SPATS2: variants seen among roughly 807,000 people sequenced by gnomAD.
The protein encoded by SPATS2 is spermatogenesis-associated serine-rich protein 2.
Under a neutral mutation model 63.7 loss-of-function variants are expected in SPATS2, and 38 were observed. That is an observed-to-expected ratio of 0.60 (90% CI 0.46 to 0.78). The LOEUF is 0.78. Ranked by LOEUF, SPATS2 falls within the 30% of genes least tolerant of loss-of-function variation. The pLI is 0.00. For missense variants in SPATS2, 588 were observed against 666.2 expected, an observed-to-expected ratio of 0.88 and a Z score of 1.29; for synonymous variants, 207 against 232.9, an observed-to-expected ratio of 0.89 and a Z score of 1.01.
chr12:49,383,671 C>G (rs77659537), intron 2 of SPATS2, among the ~76,000 whole-genome samples: 1 of 152,100 alleles, frequency 6.6e-6, no homozygotes, highest in South Asian at 2.1e-4. Context: ...TAAAGTGTTG[C>G]GCTTATAGAC....
intron 8 of SPATS2, among the ~76,000 whole-genome samples, chr12:49,498,055 G>A (rs1172022318): frequency 6.7e-6 from 1 of 148,908 alleles, no homozygotes; most frequent in African/African-American, 2.5e-5. Context: ...TTTTAATTAG[G>A]TAAGCTCCCC....
chr12:49,515,867 C>A (rs549080751), intron 10 of SPATS2, among the ~76,000 whole-genome samples: 1 of 151,800 alleles, frequency 6.6e-6, no homozygotes, highest in Non-Finnish European at 1.5e-5. Flanking sequence ...TAAGGCTGGG[C>A]GCAGTGGCTC....
intron 3 of SPATS2, among the ~76,000 whole-genome samples, chr12:49,482,030 T>C (rs1055386977): frequency 3.3e-5 from 5 of 152,238 alleles, no homozygotes; most frequent in African/African-American, 1.2e-4. Context: ...AATTACTTTC[T>C]GTATAATACT....
At chr12:49,378,844 C>T (rs1039978394) in intron 2 of SPATS2, among the ~76,000 whole-genome samples, 1 of 152,128 alleles carries the variant, frequency 6.6e-6, no homozygotes, top group Non-Finnish European at 1.5e-5. Context: ...ATCCTCTGGC[C>T]TCAGCCTCCC....
chr12:49,404,431 T>A (rs1404221252), intron 2 of SPATS2, among the ~76,000 whole-genome samples: 1 of 151,890 alleles, frequency 6.6e-6, no homozygotes, highest in Admixed American at 6.6e-5. Flanking sequence ...GGACCACAGG[T>A]GCATGCCACT....
intron 2 of SPATS2, among the ~76,000 whole-genome samples, chr12:49,401,364 A>G (rs1170022532): frequency 6.6e-6 from 1 of 152,130 alleles, no homozygotes; most frequent in Non-Finnish European, 1.5e-5. Context: ...CATAGAGTAG[A>G]TGGACAGCTG....
In SPATS2 at chr12:49,524,878, C is replaced by G. The variant is rs762553851; in HGVS notation, c.1308C>G (p.Pro436=). 3.1e-6 allele frequency: 5 copies of G among 1,612,340 alleles called. No individual in the cohort carries two copies. The South Asian group carries it at 5.5e-5, about 18-fold the overall frequency. ...PAAIANSSGQ[P]YQPLREVLPG... ...CCATAGCAAACTCCAGTGGCCAGCC[C>G]TACCAGCCACTTCGGGAGGTAACCT... Residue 436 remains proline, a synonymous_variant, in exon 13 of 14, where the codon CCC becomes CCG. Coordinates refer to ENST00000552918, the MANE Select transcript of SPATS2 (RefSeq NM_023071.4).
intron 2 of SPATS2, among the ~76,000 whole-genome samples, chr12:49,459,380 C>T (rs1945777601): frequency 6.6e-6 from 1 of 151,884 alleles, no homozygotes; most frequent in Non-Finnish European, 1.5e-5. Context: ...TGGGGTTTCA[C>T]TCTTGTTGCC....
At chr12:49,490,547 C>T in intron 5 of SPATS2, 135 bp from the exon 6 acceptor site, 1 of 795,646 alleles carries the variant, frequency 1.3e-6, no homozygotes, top group South Asian at 1.7e-5. Flanking sequence ...TACTTTAGAC[C>T]TGATCCTTAA....
intron 2 of SPATS2, among the ~76,000 whole-genome samples, chr12:49,443,219 T>C (rs1945454636): frequency 6.6e-6 from 1 of 152,254 alleles, no homozygotes; most frequent in South Asian, 2.1e-4. Context: ...GGTGTGCAGA[T>C]ATCTCTGAGA....
intron 4 of SPATS2, among the ~76,000 whole-genome samples, chr12:49,484,966 C>T (rs543408573): frequency 6.6e-5 from 10 of 152,174 alleles, no homozygotes; most frequent in African/African-American, 2.2e-4. Flanking sequence ...GTGTATCTCA[C>T]TTGGCAACAT....
intron 11 of SPATS2, among the ~76,000 whole-genome samples, chr12:49,522,378 G>T (rs568490439): frequency 1.3e-5 from 2 of 152,194 alleles, no homozygotes; most frequent in Non-Finnish European, 2.9e-5. Flanking sequence ...TATCATTGTA[G>T]TACCTTGTAA....
chr12:49,469,525 A>G (rs1041295918), intron 3 of SPATS2: 1 of 418,654 alleles, frequency 2.4e-6, no homozygotes, highest in African/African-American at 2.2e-5. Context: ...CTGTCACTGC[A>G]CTATGGGCTG....
chr12:49,464,496 G>A (rs1011616248), intron 3 of SPATS2, among the ~76,000 whole-genome samples: 2 of 150,954 alleles, frequency 1.3e-5, no homozygotes, highest in African/African-American at 4.9e-5. Flanking sequence ...GTGTGGTGGT[G>A]CATGCCTGTA....
intron 2 of SPATS2, among the ~76,000 whole-genome samples, chr12:49,433,240 G>A (rs1295402633): frequency 6.6e-6 from 1 of 152,162 alleles, no homozygotes; most frequent in Non-Finnish European, 1.5e-5. Flanking sequence ...TCAGCTCACT[G>A]CAACCTCCGC....
chr12:49,395,225 C>T (rs1300050713), intron 2 of SPATS2, among the ~76,000 whole-genome samples: 3 of 150,310 alleles, frequency 2.0e-5, no homozygotes, highest in African/African-American at 7.4e-5. Flanking sequence ...TCTCAAACTC[C>T]TGGCCTCAAG....
At chr12:49,451,624 C>T (rs2137616010) in intron 2 of SPATS2, among the ~76,000 whole-genome samples, 1 of 152,310 alleles carries the variant, frequency 6.6e-6, no homozygotes, top group East Asian at 1.9e-4. Context: ...CCTTGGCCTC[C>T]CAAACTGTTG....
intron 3 of SPATS2, 62 bp from the exon 4 acceptor site, chr12:49,484,528 T>G (rs1363601688): frequency 1.3e-6 from 2 of 1,533,672 alleles, no homozygotes; most frequent in Admixed American, 1.8e-5. Flanking sequence ...TCTTGGCCCT[T>G]CTGTCTTAGG....
At position 49,500,130 on chromosome 12, in the gene SPATS2, A is replaced by T; in HGVS notation, c.764A>T (p.Tyr255Phe). 1 of 1,611,872 alleles carries T rather than the reference A, an allele frequency of 6.2e-7. No homozygotes were observed. Among genetic ancestry groups the T allele is most frequent in the Non-Finnish European group, 8.5e-7 (1 of 1,179,214 alleles). ...LQRCTVSLAR[Y>F]RVVVKEEMDA... ...CGCTGCACAGTGTCTCTTGCACGGT[A>T]TCGAGTTGTAGTTAAAGAAGAGATG... is the stretch of plus-strand genomic sequence containing the variant. The change falls in exon 9 of 14, where the codon TAT (tyrosine) becomes TTT (phenylalanine). Residue 255 changes from tyrosine (Y) to phenylalanine (F), a missense_variant. Tyr to Phe is a conservative substitution (Grantham distance 22, BLOSUM62 3). Transcript: ENST00000552918.
Sources: allele counts gnomAD v4.1 joint callset (sites outside exome capture counted in the v4.1 genomes callset), GRCh38; gene constraint gnomAD v4.1.1; transcripts MANE v1.5; gene names NCBI Gene and HGNC (gene_info 2026-07-23, HGNC 2026-07-21).